SVIP: variants seen among roughly 807,000 people sequenced by gnomAD.
SVIP encodes the protein small VCP/p97-interacting protein.
In SVIP, 14 loss-of-function variants were observed where a neutral mutation model predicts 12.9. The observed-to-expected ratio is 1.08, with a 90% CI of 0.72 to 1.70. The LOEUF is 1.70. Ranked by LOEUF, SVIP falls within the 40% of genes most tolerant of loss-of-function variation. The pLI is 0.00. For synonymous variants in SVIP, 35 were observed against 33.3 expected, an observed-to-expected ratio of 1.05 and a Z score of -0.17; for missense variants, 93 against 90.8, an observed-to-expected ratio of 1.02 and a Z score of -0.10.
intron 3 of SVIP, among the ~76,000 whole-genome samples, chr11:22,824,422 T>A (rs1857598007): frequency 6.9e-6 from 1 of 144,746 alleles, no homozygotes; most frequent in South Asian, 2.1e-4. Context: ...ATTGGGTGTT[T>A]TATATATATA....
At chr11:22,824,177 A>G (rs1453479381) in intron 3 of SVIP, among the ~76,000 whole-genome samples, 1 of 152,150 alleles carries the variant, frequency 6.6e-6, no homozygotes, top group African/African-American at 2.4e-5. Flanking sequence ...ATAAAACACA[A>G]CAAAACAAAA....
chr11:22,829,618 T>TGGCTC, intron 1 of SVIP, 77 bp downstream of exon 1: 1 of 1,456,942 alleles, frequency 6.9e-7, no homozygotes, highest in Middle Eastern at 1.7e-4. Flanking sequence ...CCAGGTACAA[T>TGGCTC]GGCTCGGCCC....
Position 22,827,249 on chromosome 11 carries a change from T to G in SVIP, c.177A>C (p.Lys59Asn). The change falls in exon 3 of 4, where the codon AAA (lysine) becomes AAC (asparagine). Residue 59 changes from lysine (K) to asparagine (N), a missense_variant. Transcript: ENST00000354193. ...GTGGGGGCCCGGATGTAGCAATTTGTTTTTCTATTTTTTCCTTTTTCTTTC... is the reference window on the plus strand; with the variant it reads ...GTGGGGGCCCGGATGTAGCAATTTGGTTTTCTATTTTTTCCTTTTTCTTTC... ...EKRKKKEKIE[K>N]QIATSGPPPE... The G allele has an allele frequency of 6.2e-7, 1 of 1,610,950 alleles. No individual in the cohort carries two copies.
intron 3 of SVIP, 35 bp downstream of exon 3, chr11:22,827,172 G>C: frequency 6.6e-7 from 1 of 1,509,878 alleles, no homozygotes; most frequent in Non-Finnish European, 9.2e-7. Context: ...TAAAATGCCA[G>C]TTAAGTTAAT....
rs1857442011 is a variant in SVIP, at chr11:22,820,573, A to G, written c.*2546T>C. 1 of 152,242 alleles carries G rather than the reference A, an allele frequency of 6.6e-6. No individual in the cohort carries two copies. Among genetic ancestry groups the G allele is most frequent in the Admixed American group, 6.5e-5 (1 of 15,292 alleles). The allele number at this position is 152,242 out of a possible 1,614,324, so 9.4% of individuals were successfully genotyped here. A position where few individuals can be genotyped will look rare whatever the true frequency, so the allele number is the denominator to read the frequency against. On this transcript the variant is annotated 3_prime_UTR_variant, in exon 4 of 4. Transcript: ENST00000354193. ...TCTAAGTATTTAGGATGTAGTAAAG[A>G]TAAAATTTTGTTAAAGAGACAGCTA...
rs957126260 is a variant in SVIP at position 22,819,819 on chromosome 11, A to G, written c.*3300T>C. On this transcript the variant is annotated 3_prime_UTR_variant, in exon 4 of 4. Transcript: ENST00000354193. ...AAAAGCCAATGCAATTCAGGATATA[A>G]TAACAAAAAAGTATGATATCCACAG... The G allele has an allele frequency of 1.3e-5, 2 of 152,312 alleles. No individual in the cohort carries two copies. Among genetic ancestry groups the G allele is most frequent in the Admixed American group, 1.3e-4 (2 of 15,284 alleles). 9.4% of individuals were successfully genotyped at this position (152,312 alleles called of 1,614,324 possible).
Position 22,819,571 on chromosome 11 carries a change from G to C in SVIP, c.*3548C>G, listed in dbSNP as rs945966700. 6.6e-6 allele frequency: 1 copy of C among 152,252 alleles called. No individual in the cohort carries two copies. The highest frequency in any genetic ancestry group is 2.1e-4 in the South Asian group (1 of 4,834). 9.4% of individuals were successfully genotyped at this position (152,252 alleles called of 1,614,324 possible). A position where few individuals can be genotyped will look rare whatever the true frequency, so the allele number is the denominator to read the frequency against. ...AGGGATCACCTGAGGTCAGGAGTTC[G>C]AGACCAGCCTGACCAACGTGGAGAA... is the stretch of plus-strand genomic sequence containing the variant. On this transcript the variant is annotated 3_prime_UTR_variant, in exon 4 of 4. Transcript: ENST00000354193.
intron 3 of SVIP, among the ~76,000 whole-genome samples, chr11:22,825,122 T>C (rs1857646304): frequency 6.6e-6 from 1 of 152,002 alleles, no homozygotes; most frequent in Non-Finnish European, 1.5e-5. Flanking sequence ...AGACTCATAC[T>C]CTAGGTAGAG....
rs1857480228 is a variant in SVIP at position 22,821,374 on chromosome 11, G to C, written c.*1745C>G. 1 of 151,952 alleles carries C rather than the reference G, an allele frequency of 6.6e-6. No individual in the cohort carries two copies. The highest frequency in any genetic ancestry group is 1.5e-5 in the Non-Finnish European group (1 of 67,990). 9.4% of individuals were successfully genotyped at this position (151,952 alleles called of 1,614,324 possible). A position where few individuals can be genotyped will look rare whatever the true frequency, so the allele number is the denominator to read the frequency against. On this transcript the variant is annotated 3_prime_UTR_variant, in exon 4 of 4. Coordinates refer to ENST00000354193, the MANE Select transcript of SVIP (RefSeq NM_148893.3). ...TAACATGTTCCACTTTTCACGAAAAGTAATAGATCTGAATATCATTCATGG... is the reference window on the plus strand; with the variant it reads ...TAACATGTTCCACTTTTCACGAAAACTAATAGATCTGAATATCATTCATGG...
chr11:22,821,840 T>C lies in SVIP; in HGVS notation c.*1279A>G, dbSNP rs965747444. On this transcript the variant is annotated 3_prime_UTR_variant, in exon 4 of 4. Coordinates refer to ENST00000354193, the MANE Select transcript of SVIP (RefSeq NM_148893.3). ...AAGTCAAGAGACCTGTATTATATAATAGTTCAAACTTTTAAAAATTAACAT... is the reference window on the plus strand; with the variant it reads ...AAGTCAAGAGACCTGTATTATATAACAGTTCAAACTTTTAAAAATTAACAT... The C allele has an allele frequency of 2.6e-5, 4 of 152,202 alleles. No homozygotes were observed. The highest frequency in any genetic ancestry group is 5.9e-5 in the Non-Finnish European group (4 of 68,022). The allele number at this position is 152,202 out of a possible 1,614,324, so 9.4% of individuals were successfully genotyped here.
intron 2 of SVIP, 106 bp downstream of exon 2, chr11:22,827,718 G>T: frequency 2.8e-6 from 2 of 725,700 alleles, no homozygotes; most frequent in Admixed American, 2.9e-5. Flanking sequence ...TAAATTTTTG[G>T]GATATCAAAG....
intron 3 of SVIP, among the ~76,000 whole-genome samples, chr11:22,824,820 C>T (rs1857633558): frequency 6.6e-6 from 1 of 151,552 alleles, no homozygotes; most frequent in South Asian, 2.1e-4. Flanking sequence ...AAACCCTACT[C>T]TCAGAGACTG....
At chr11:22,825,282 C>G (rs1009751103) in intron 3 of SVIP, among the ~76,000 whole-genome samples, 1 of 152,126 alleles carries the variant, frequency 6.6e-6, no homozygotes, top group Admixed American at 6.5e-5. Context: ...TTAAGTACTT[C>G]TGCCTTGTAT....
At position 22,829,679 on chromosome 11, in the gene SVIP, G is replaced by GACCT; in HGVS notation, c.54+12_54+15dup. 1 of 1,588,596 alleles carries GACCT rather than the reference G, an allele frequency of 6.3e-7. No homozygotes were observed. The highest frequency in any genetic ancestry group is 8.6e-7 in the Non-Finnish European group (1 of 1,168,552). On this transcript the variant is annotated intron_variant, in intron 1 of 3. Coordinates refer to ENST00000354193, the MANE Select transcript of SVIP (RefSeq NM_148893.3). ...CAAGGCGCGGCCCGGCGGACGCAGG[G>GACCT]ACCTGCTCTACTCACCAGGTCCGGC...
At position 22,819,450 on chromosome 11, in the gene SVIP, A is replaced by T. The variant is rs1857411336; in HGVS notation, c.*3669T>A. On this transcript the variant is annotated 3_prime_UTR_variant, in exon 4 of 4. Transcript: ENST00000354193. ...TGATAACTAGAAGACATTAACTCAA[A>T]ACTCAACACAAATTTGGTATTATAA... The T allele has an allele frequency of 6.6e-6, 1 of 152,228 alleles. No individual in the cohort carries two copies. Among genetic ancestry groups the T allele is most frequent in the South Asian group, 2.1e-4 (1 of 4,834 alleles). 9.4% of individuals were successfully genotyped at this position (152,228 alleles called of 1,614,324 possible).
At chr11:22,825,070 G>C (rs543884283) in intron 3 of SVIP, among the ~76,000 whole-genome samples, 1 of 152,182 alleles carries the variant, frequency 6.6e-6, no homozygotes, top group East Asian at 1.9e-4. Context: ...CACTGGTCAG[G>C]AGATGAATAG....
chr11:22,827,139 A>C, intron 3 of SVIP, 68 bp downstream of exon 3: 1 of 1,199,642 alleles, frequency 8.3e-7, no homozygotes, highest in Non-Finnish European at 1.2e-6. Context: ...AAAATTATGA[A>C]TGGATTGCTA....
rs934209470 is a variant in SVIP, at chr11:22,824,513, C to CAT, written c.220-1382_220-1381dup. The stretch of plus-strand genomic sequence containing the variant: ...ATATATATACGTATATATATACACA[C>CAT]ATATATATATAAAATCTATGTTTAA... On this transcript the variant is annotated intron_variant, in intron 3 of 3. Transcript: ENST00000354193. Among the ~76,000 whole-genome samples, 157 of 145,646 alleles carry CAT rather than the reference C, an allele frequency of 1.1e-3. 3 individuals are homozygous for CAT. In the East Asian group the frequency reaches 0.026, roughly 24 times the overall value.
chr11:22,826,846 G>A (rs1015002813), intron 3 of SVIP, among the ~76,000 whole-genome samples: 1 of 152,262 alleles, frequency 6.6e-6, no homozygotes, highest in South Asian at 2.1e-4. Context: ...ATATATAAAT[G>A]AAGGTTAGAA....
Sources: allele counts gnomAD v4.1 joint callset (sites outside exome capture counted in the v4.1 genomes callset), GRCh38; gene constraint gnomAD v4.1.1; transcripts MANE v1.5; gene names NCBI Gene and HGNC (gene_info 2026-07-23, HGNC 2026-07-21).